Variants in VPS13B observed in about 807,000 individuals in gnomAD.
VPS13B encodes the protein vacuolar protein sorting 13 homolog B, also known as intermembrane lipid transfer protein VPS13B.
VPS13B carries 285 observed loss-of-function variants against 426.4 expected under a neutral mutation model. The observed-to-expected ratio is 0.67, with a 90% CI of 0.61 to 0.74. The LOEUF (loss-of-function observed/expected upper bound fraction) is 0.74, where lower values mean the gene tolerates loss of function less well. Among genes scored for constraint, VPS13B ranks in the 30% least tolerant of loss-of-function variants. The pLI, the probability that VPS13B is intolerant of heterozygous loss-of-function variation, is 0.00. For missense variants in VPS13B, 4,537 were observed against 4,782.6 expected, an observed-to-expected ratio of 0.95 and a Z score of 1.51; for synonymous variants, 1,676 against 1,676.4, an observed-to-expected ratio of 1.00 and a Z score of 0.01.
At chr8:99,267,446 C>T (rs1818363333) in intron 17 of VPS13B, among the ~76,000 whole-genome samples, 1 of 151,932 alleles carries the variant, frequency 6.6e-6, no homozygotes, top group African/African-American at 2.4e-5. Flanking sequence ...AAAGAAAAAC[C>T]CGGCTGGACA....
At chr8:99,730,534 G>A (rs1260907015) in intron 39 of VPS13B, among the ~76,000 whole-genome samples, 1 of 152,016 alleles carries the variant, frequency 6.6e-6, no homozygotes, top group Non-Finnish European at 1.5e-5. Flanking sequence ...ATGAAAAAAA[G>A]ATCTAGGAAT....
chr8:99,350,852 A>G (rs1164146834), intron 19 of VPS13B, among the ~76,000 whole-genome samples: 2 of 151,552 alleles, frequency 1.3e-5, no homozygotes, highest in Non-Finnish European at 2.9e-5. Flanking sequence ...TGTATATGTA[A>G]TATGTAAAAT....
intron 34 of VPS13B, among the ~76,000 whole-genome samples, chr8:99,643,333 C>T (rs1829447572): frequency 6.6e-6 from 1 of 152,120 alleles, no homozygotes; most frequent in Non-Finnish European, 1.5e-5. Context: ...TCAGCTGGTC[C>T]CATCCAGTAG....
intron 44 of VPS13B, 96 bp from the exon 45 acceptor site, chr8:99,817,444 T>G: frequency 6.8e-7 from 1 of 1,476,368 alleles, no homozygotes; most frequent in East Asian, 2.3e-5. Context: ...TTTCTTTCCA[T>G]TAACATCAAC....
At chr8:99,358,031 CACACCA>C (rs1481746777) in intron 19 of VPS13B, among the ~76,000 whole-genome samples, 1 of 151,216 alleles carries the variant, frequency 6.6e-6, no homozygotes, top group African/African-American at 2.4e-5. Context: ...CACACACACA[CACACCA>C]CACACACTTA....
At chr8:99,553,802 C>T (rs960785123) in intron 30 of VPS13B, among the ~76,000 whole-genome samples, 2 of 151,818 alleles carry the variant, frequency 1.3e-5, no homozygotes, top group African/African-American at 4.8e-5. Flanking sequence ...TCAAGTATGT[C>T]ACATATATGT....
intron 56 of VPS13B, among the ~76,000 whole-genome samples, chr8:99,854,620 T>C (rs1231639743): frequency 6.6e-6 from 1 of 151,652 alleles, no homozygotes; most frequent in African/African-American, 2.4e-5. Flanking sequence ...GCACACACTT[T>C]TTTTTAGCAA....
Position 99,304,208 on chromosome 8 carries a change from G to T in VPS13B, c.2824+28954G>T, listed in dbSNP as rs533521522. On this transcript the variant is annotated intron_variant, in intron 19 of 61. Coordinates refer to ENST00000357162, the MANE Select transcript of VPS13B (RefSeq NM_152564.5). Reference sequence around the variant, plus strand: ...ATTAAAGCATTTAGAATAAGATTTGGCACATCAAAATAGTAGTTATTATTA... The same window carrying T: ...ATTAAAGCATTTAGAATAAGATTTGTCACATCAAAATAGTAGTTATTATTA... Among the ~76,000 whole-genome samples, 7 of 152,158 alleles carry T rather than the reference G, an allele frequency of 4.6e-5. No individual in the cohort carries two copies. In the South Asian group the frequency reaches 8.3e-4, roughly 18 times the overall value.
intron 26 of VPS13B, 82 bp downstream of exon 26, chr8:99,501,940 C>T: frequency 7.4e-7 from 1 of 1,352,830 alleles, no homozygotes; most frequent in South Asian, 1.3e-5. Flanking sequence ...TCCTTCCTTC[C>T]TTTCTTTTCT....
intron 60 of VPS13B, 190 bp from the exon 61 acceptor site, chr8:99,871,258 G>A (rs1817394858): frequency 2.3e-6 from 2 of 873,568 alleles, no homozygotes; most frequent in African/African-American, 1.7e-5. Context: ...TTTGTTCCCA[G>A]GAGGAAGCAG....
chr8:99,163,783 TC>T (rs74221154), intron 15 of VPS13B, among the ~76,000 whole-genome samples: 39,243 of 151,952 alleles, frequency 0.26, 5,716 homozygotes, highest in East Asian at 0.43. Flanking sequence ...CGCCTCTCCC[TC>T]CACACCTCCC....
chr8:99,874,951 A>G (rs763067640), intron 61 of VPS13B: 5 of 173,368 alleles, frequency 2.9e-5, no homozygotes, highest in Non-Finnish European at 5.0e-5. Flanking sequence ...CTGGTTTGAA[A>G]GAGGTGTTCT....
rs759133784 is a variant in VPS13B at position 99,641,835 on chromosome 8, G to A, written c.5245G>A (p.Val1749Met). The A allele has an allele frequency of 6.2e-7, 1 of 1,611,634 alleles. No homozygotes were observed. The highest frequency in any genetic ancestry group is 8.5e-7 in the Non-Finnish European group (1 of 1,178,442). The change falls in exon 34 of 62, where the codon GTG becomes ATG. Residue 1749 changes from valine (V) to methionine (M), a missense_variant. Val to Met is a conservative substitution (Grantham distance 21, BLOSUM62 1). Coordinates refer to ENST00000357162, the MANE Select transcript of VPS13B (RefSeq NM_152564.5). ...GATCTCTAAACAAGAACAGAAAAAA[G>A]TGGATATATTTGATGGAGGCATGGC... is the stretch of plus-strand genomic sequence containing the variant. Reference protein sequence around the residue: ...AEISKQEQKKVDIFDGGMAET... With the variant: ...AEISKQEQKKMDIFDGGMAET...
rs191503499 is a variant in VPS13B, at chr8:99,773,910, A to C, written c.7248-2865A>C. ...TATACATCTGATGTTTGACCTTTTA[A>C]GATGTGAATCAGATTAAAATCCACT... On this transcript the variant is annotated intron_variant, in intron 40 of 61. Coordinates refer to ENST00000357162, the MANE Select transcript of VPS13B (RefSeq NM_152564.5). Among the ~76,000 whole-genome samples, 620 of 152,160 alleles carry C rather than the reference A, an allele frequency of 4.1e-3. 8 individuals carry two copies. Among genetic ancestry groups the C allele is most frequent in the Non-Finnish European group, 1.9e-3 (132 of 67,956 alleles).
At chr8:99,691,555 A>T (rs1326892555) in intron 35 of VPS13B, among the ~76,000 whole-genome samples, 4 of 152,088 alleles carry the variant, frequency 2.6e-5, no homozygotes, top group Non-Finnish European at 5.9e-5. Context: ...GTTAGGCCTG[A>T]TAAGAAAATA....
At chr8:99,742,420 T>C (rs1373703667) in intron 39 of VPS13B, among the ~76,000 whole-genome samples, 2 of 152,312 alleles carry the variant, frequency 1.3e-5, no homozygotes, top group Non-Finnish European at 2.9e-5. Context: ...GTACCATTCC[T>C]TCTGAAACTA....
intron 19 of VPS13B, among the ~76,000 whole-genome samples, chr8:99,286,984 T>C (rs1352388363): frequency 6.6e-6 from 1 of 152,150 alleles, no homozygotes; most frequent in Non-Finnish European, 1.5e-5. Context: ...ATTGCCGTAC[T>C]AGGTTCCTTT....
chr8:99,179,450 C>G (rs943718535), intron 16 of VPS13B, among the ~76,000 whole-genome samples: 1 of 151,558 alleles, frequency 6.6e-6, no homozygotes, highest in Non-Finnish European at 1.5e-5. Flanking sequence ...CCTCTCTGTC[C>G]CCTCCTTCTT....
chr8:99,441,306 A>G (rs1463898351), intron 22 of VPS13B, among the ~76,000 whole-genome samples: 2 of 152,130 alleles, frequency 1.3e-5, no homozygotes. Context: ...TGTTAAATAT[A>G]ATCATGTTCT....
Sources: gnomAD v4.1 joint callset for allele counts (sites outside exome capture counted in the v4.1 genomes callset) on GRCh38, gnomAD v4.1.1 for gene constraint, MANE v1.5 for transcripts, NCBI Gene and HGNC (gene_info 2026-07-23, HGNC 2026-07-21) for gene names.